The following IGSF11 variants were observed in gnomAD, a reference collection of about 807,000 sequenced individuals.
IGSF11 encodes the protein immunoglobulin superfamily member 11, also known as CXADR like 1.
A neutral mutation model predicts 41.0 loss-of-function variants in IGSF11; 22 were observed. The observed-to-expected ratio is 0.54, with a 90% CI of 0.38 to 0.77. IGSF11 has a LOEUF of 0.77. Among genes scored for constraint, IGSF11 ranks in the 30% least tolerant of loss-of-function variants. IGSF11 has a pLI of 0.00. For synonymous variants in IGSF11, 219 were observed against 201.3 expected, an observed-to-expected ratio of 1.09 and a Z score of -0.74; for missense variants, 444 against 530.8, an observed-to-expected ratio of 0.84 and a Z score of 1.61.
At chr3:119,134,795 T>A (rs2077536668) in intron 1 of IGSF11, among the ~76,000 whole-genome samples, 1 of 152,156 alleles carries the variant, frequency 6.6e-6, no homozygotes. Context: ...TCACGCTACC[T>A]GACTTCAAAC....
At chr3:119,112,221 C>T (rs905534146) in intron 1 of IGSF11, among the ~76,000 whole-genome samples, 4 of 152,210 alleles carry the variant, frequency 2.6e-5, no homozygotes, top group African/African-American at 4.8e-5. Flanking sequence ...GGCAGGCAGG[C>T]CTCCTTGAGC....
At chr3:118,916,737 C>G (rs1049704965) in intron 4 of IGSF11, among the ~76,000 whole-genome samples, 3 of 152,138 alleles carry the variant, frequency 2.0e-5, no homozygotes, top group South Asian at 4.2e-4. Flanking sequence ...GAATTGAACT[C>G]AGCTCTGCAC....
Position 119,034,693 on chromosome 3 carries a change from G to C in IGSF11, c.-111C>G. 1 of 1,395,186 alleles carries C rather than the reference G, an allele frequency of 7.2e-7. No individual in the cohort carries two copies. Among genetic ancestry groups the C allele is most frequent in the Non-Finnish European group, 9.4e-7 (1 of 1,066,454 alleles). 86.4% of individuals were successfully genotyped at this position (1,395,186 alleles called of 1,614,324 possible). On this transcript the variant is annotated 5_prime_UTR_variant, in exon 1 of 7. Transcript: ENST00000393775. ...GGGCAGCCTGGTCCTCCCACACCCA[G>C]CGCCGGGCCGCTGTTCCCCGCGCAG...
intron 1 of IGSF11, among the ~76,000 whole-genome samples, chr3:119,145,231 C>G (rs895476779): frequency 2.6e-5 from 4 of 152,202 alleles, no homozygotes; most frequent in Non-Finnish European, 5.9e-5. Context: ...AAAGGAATAT[C>G]TGGCATCACA....
At chr3:118,967,389 G>A (rs1429029635) in intron 1 of IGSF11, among the ~76,000 whole-genome samples, 2 of 152,062 alleles carry the variant, frequency 1.3e-5, no homozygotes, top group Non-Finnish European at 2.9e-5. Context: ...ACAAGATTAT[G>A]CTGTTTCAAC....
At chr3:119,119,139 G>T (rs1463164782) in intron 1 of IGSF11, among the ~76,000 whole-genome samples, 3 of 152,076 alleles carry the variant, frequency 2.0e-5, no homozygotes, top group African/African-American at 7.2e-5. Context: ...AAATTTTTGG[G>T]TATCTTTTCA....
At chr3:118,959,423 T>C (rs937116833) in intron 1 of IGSF11, among the ~76,000 whole-genome samples, 2 of 152,282 alleles carry the variant, frequency 1.3e-5, no homozygotes, top group Non-Finnish European at 1.5e-5. Context: ...AGTGGTACCA[T>C]ACTCTAGACA....
chr3:119,001,589 T>C (rs1346875780), intron 1 of IGSF11, among the ~76,000 whole-genome samples: 2 of 143,028 alleles, frequency 1.4e-5, no homozygotes, highest in Non-Finnish European at 3.0e-5. Context: ...TCATCTAGCA[T>C]TAGGTATATC....
intron 1 of IGSF11, among the ~76,000 whole-genome samples, chr3:118,995,853 G>T (rs924451301): frequency 6.6e-6 from 1 of 152,040 alleles, no homozygotes; most frequent in African/African-American, 2.4e-5. Flanking sequence ...GGGTTTCACT[G>T]TGTTAGCCAG....
At chr3:119,043,600 C>T (rs1012868150) in intron 1 of IGSF11, among the ~76,000 whole-genome samples, 1 of 152,178 alleles carries the variant, frequency 6.6e-6, no homozygotes, top group African/African-American at 2.4e-5. Context: ...AGCATAACAA[C>T]CATTCAAAAA....
intron 1 of IGSF11, among the ~76,000 whole-genome samples, chr3:119,054,715 A>G (rs930816419): frequency 5.3e-5 from 8 of 152,232 alleles, no homozygotes; most frequent in African/African-American, 1.9e-4. Flanking sequence ...ATTATATGAA[A>G]AAGACACTTG....
chr3:118,962,877 G>A (rs1259543310), intron 1 of IGSF11, among the ~76,000 whole-genome samples: 2 of 152,102 alleles, frequency 1.3e-5, no homozygotes, highest in East Asian at 1.9e-4. Context: ...GTAATTACAG[G>A]TATAAAAAGC....
At chr3:119,130,927 C>A (rs1402326748) in intron 1 of IGSF11, among the ~76,000 whole-genome samples, 1 of 152,130 alleles carries the variant, frequency 6.6e-6, no homozygotes, top group African/African-American at 2.4e-5. Context: ...TGGAGTGGAC[C>A]CCCAGCAAAC....
rs576301392 is a variant in IGSF11, at chr3:119,055,184, C to A, written c.49+49960G>T. On this transcript the variant is annotated intron_variant, in intron 1 of 6. Coordinates refer to the IGSF11 transcript ENST00000354673. ...ACACCAAACACCCATCTGTACATCA[C>A]CATCATCAAAGACCAAAGGTAGATA... Among the ~76,000 whole-genome samples the A allele has an allele frequency of 5.3e-5, 8 of 152,208 alleles. No individual in the cohort carries two copies. The East Asian group carries it at 1.5e-3, about 29-fold the overall frequency.
At chr3:118,968,784 G>A (rs2107614375) in intron 1 of IGSF11, among the ~76,000 whole-genome samples, 1 of 152,298 alleles carries the variant, frequency 6.6e-6, no homozygotes, top group East Asian at 1.9e-4. Flanking sequence ...CTATTTTTAA[G>A]TGACATTTGA....
At chr3:119,140,262 G>C (rs749763158) in intron 1 of IGSF11, among the ~76,000 whole-genome samples, 2 of 152,084 alleles carry the variant, frequency 1.3e-5, no homozygotes, top group Non-Finnish European at 2.9e-5. Context: ...ACACAAATAG[G>C]TTGAAAGTAA....
chr3:118,946,807 T>C (rs1944178697), intron 1 of IGSF11, among the ~76,000 whole-genome samples: 1 of 152,218 alleles, frequency 6.6e-6, no homozygotes, highest in Admixed American at 6.5e-5. Flanking sequence ...CTTAACGTTT[T>C]TAACTGCTTA....
chr3:118,935,384 A>T (rs1943186070), intron 1 of IGSF11, among the ~76,000 whole-genome samples: 1 of 137,458 alleles, frequency 7.3e-6, no homozygotes. Context: ...ATACACACAC[A>T]CACACACACA....
chr3:119,082,278 G>T (rs895643697), intron 1 of IGSF11, among the ~76,000 whole-genome samples: 1 of 152,144 alleles, frequency 6.6e-6, no homozygotes, highest in Admixed American at 6.5e-5. Flanking sequence ...GTGAGCTTAG[G>T]ACATATACTT....
Sources: allele counts gnomAD v4.1 joint callset (sites outside exome capture counted in the v4.1 genomes callset), GRCh38; gene constraint gnomAD v4.1.1; transcripts MANE v1.5; gene names NCBI Gene and HGNC (gene_info 2026-07-23, HGNC 2026-07-21).